STEAP1B: variants seen among roughly 807,000 people sequenced by gnomAD.
STEAP1B encodes STEAP family protein MGC87042.
STEAP1B carries 13 observed loss-of-function variants against 27.9 expected under a neutral mutation model. The observed-to-expected ratio is 0.47, with a 90% CI of 0.30 to 0.74. The LOEUF is 0.74. Ranked by LOEUF, STEAP1B falls within the 30% of genes least tolerant of loss-of-function variation. The pLI is 0.06. For synonymous variants in STEAP1B, 86 were observed against 107.1 expected (o/e 0.80, Z 1.22); for missense variants, 250 against 298.7 (o/e 0.84, Z 1.20).
intron 1 of STEAP1B, among the ~76,000 whole-genome samples, chr7:22,496,907 C>T (rs1191282805): frequency 6.6e-6 from 1 of 152,198 alleles, no homozygotes; most frequent in Non-Finnish European, 1.5e-5. Flanking sequence ...CCAACATTTA[C>T]TTTGTTGAGG....
chr7:22,468,496 A>G (rs1785824808), intron 4 of STEAP1B, among the ~76,000 whole-genome samples: 2 of 152,186 alleles, frequency 1.3e-5, no homozygotes. Context: ...AGCTTTTTAA[A>G]AAGTTGAATA....
chr7:22,479,842 C>A (rs1415727107), intron 4 of STEAP1B, among the ~76,000 whole-genome samples: 1 of 151,844 alleles, frequency 6.6e-6, no homozygotes, highest in Non-Finnish European at 1.5e-5. Flanking sequence ...ACACCGGCGA[C>A]GCCCAGCCGA....
intron 4 of STEAP1B, among the ~76,000 whole-genome samples, chr7:22,449,554 T>C (rs1428707273): frequency 1.3e-5 from 2 of 152,236 alleles, no homozygotes; most frequent in Non-Finnish European, 2.9e-5. Flanking sequence ...GATGGACTCA[T>C]AGGTTGCTTC....
chr7:22,422,177 AGT>A (rs1425703009), intron 4 of STEAP1B, among the ~76,000 whole-genome samples: 1 of 152,164 alleles, frequency 6.6e-6, no homozygotes, highest in East Asian at 1.9e-4. Context: ...AAAGCAACCT[AGT>A]GTGTGTGCAT....
At chr7:22,445,984 G>T (rs1398039871) in intron 4 of STEAP1B, among the ~76,000 whole-genome samples, 1 of 152,148 alleles carries the variant, frequency 6.6e-6, no homozygotes, top group African/African-American at 2.4e-5. Context: ...TCTTCTTTGG[G>T]CTTTATTTAT....
chr7:22,468,643 C>T (rs1259201637), intron 4 of STEAP1B, among the ~76,000 whole-genome samples: 1 of 152,024 alleles, frequency 6.6e-6, no homozygotes, highest in Admixed American at 6.6e-5. Flanking sequence ...TATGTATCCT[C>T]ACAGGGGCTT....
intron 4 of STEAP1B, among the ~76,000 whole-genome samples, chr7:22,467,862 A>T (rs1366998957): frequency 6.6e-6 from 1 of 152,108 alleles, no homozygotes; most frequent in Non-Finnish European, 1.5e-5. Flanking sequence ...GTTCAAACTC[A>T]CCCAAGAACC....
chr7:22,490,658 A>G (rs552108669), intron 4 of STEAP1B, among the ~76,000 whole-genome samples: 2 of 152,342 alleles, frequency 1.3e-5, no homozygotes, highest in East Asian at 1.9e-4. Context: ...AGCGTCTTAC[A>G]TATTTGGTAA....
chr7:22,488,971 C>T (rs10234308), intron 4 of STEAP1B, among the ~76,000 whole-genome samples: 15,158 of 152,188 alleles, frequency 0.1, 869 homozygotes, highest in African/African-American at 0.14. Flanking sequence ...TTGCAAAGAC[C>T]GGATGCAGTA....
chr7:22,469,966 C>A (rs1012357533), intron 4 of STEAP1B, among the ~76,000 whole-genome samples: 1 of 152,186 alleles, frequency 6.6e-6, no homozygotes, highest in African/African-American at 2.4e-5. Context: ...TGCACACTCA[C>A]ATTCAGATAA....
chr7:22,462,892 T>G (rs955293379), intron 4 of STEAP1B, among the ~76,000 whole-genome samples: 4 of 152,116 alleles, frequency 2.6e-5, no homozygotes, highest in African/African-American at 9.7e-5. Flanking sequence ...CTCCAGCACC[T>G]GTTGTTTCCT....
chr7:22,463,198 A>G (rs903517633), intron 4 of STEAP1B, among the ~76,000 whole-genome samples: 40 of 151,924 alleles, frequency 2.6e-4, no homozygotes, highest in Non-Finnish European at 5.0e-4. Context: ...GTGAACTCCC[A>G]TTCACAATTG....
rs188372181 is a variant in STEAP1B at position 22,452,270 on chromosome 7, A to C, written c.763-32434T>G. Among the ~76,000 whole-genome samples, 470 of 152,244 alleles carry C rather than the reference A, an allele frequency of 3.1e-3. 7 individuals are homozygous for C. Among genetic ancestry groups the C allele is most frequent in the Non-Finnish European group, 3.3e-3 (225 of 68,014 alleles). ...GCTGCCAGAGGGTGCTCGTCACAGC[A>C]CCCTGAGAACTGTCACCACTGAAAT... On this transcript the variant is annotated intron_variant, in intron 4 of 4. Transcript: ENST00000678116.
chr7:22,459,141 C>A (rs1360343604), intron 4 of STEAP1B, among the ~76,000 whole-genome samples: 1 of 152,204 alleles, frequency 6.6e-6, no homozygotes, highest in Non-Finnish European at 1.5e-5. Context: ...CATGCTGTTT[C>A]CTCCGAGCTA....
chr7:22,443,923 T>G (rs1333048819), intron 4 of STEAP1B, among the ~76,000 whole-genome samples: 1 of 152,230 alleles, frequency 6.6e-6, no homozygotes, highest in African/African-American at 2.4e-5. Flanking sequence ...CTGAAGGTGA[T>G]GTCCAGCCCA....
chr7:22,481,008 G>C (rs763122261), intron 4 of STEAP1B, among the ~76,000 whole-genome samples: 1 of 152,228 alleles, frequency 6.6e-6, no homozygotes, highest in Non-Finnish European at 1.5e-5. Context: ...TTCACTAACA[G>C]GCTCAGTGTT....
intron 4 of STEAP1B, 105 bp downstream of exon 4, chr7:22,492,460 T>G: frequency 3.6e-6 from 5 of 1,406,026 alleles, no homozygotes; most frequent in Non-Finnish European, 4.6e-6. Context: ...AGATCTTTGC[T>G]GTTGAAAAAC....
intron 4 of STEAP1B, among the ~76,000 whole-genome samples, chr7:22,424,988 G>GTAAAA (rs1785088589): frequency 6.6e-6 from 1 of 151,956 alleles, no homozygotes; most frequent in African/African-American, 2.4e-5. Context: ...AAAGTATTAA[G>GTAAAA]TGTCACCACC....
chr7:22,494,419 G>A (rs886857404), intron 2 of STEAP1B, among the ~76,000 whole-genome samples: 2 of 143,874 alleles, frequency 1.4e-5, no homozygotes, highest in East Asian at 4.0e-4. Context: ...TGTTATATGG[G>A]CATTGATGAC....
Sources: gnomAD v4.1 joint callset for allele counts (sites outside exome capture counted in the v4.1 genomes callset) on GRCh38, gnomAD v4.1.1 for gene constraint, MANE v1.5 for transcripts, NCBI Gene and HGNC (gene_info 2026-07-23, HGNC 2026-07-21) for gene names.